Variants in CSMD1 observed in about 807,000 individuals in gnomAD.
The protein encoded by CSMD1 is CUB and sushi domain-containing protein 1.
In CSMD1, 213 loss-of-function variants were observed where a neutral mutation model predicts 417.5. The ratio of observed to expected loss-of-function variants is 0.51; its 90% confidence interval spans 0.46 to 0.57. The LOEUF (loss-of-function observed/expected upper bound fraction) is 0.57, where lower values mean the gene tolerates loss of function less well. CSMD1 is among the 20% of genes least tolerant of loss of function. The pLI, the probability that CSMD1 is intolerant of heterozygous loss-of-function variation, is 0.00. For synonymous variants in CSMD1, 2,862 were observed against 1,736.8 expected (o/e 1.65, Z -16.11); for missense variants, 6,923 against 4,529.7 (o/e 1.53, Z -15.17).
intron 40 of CSMD1, among the ~76,000 whole-genome samples, chr8:3,145,545 A>G (rs1326393329): frequency 6.6e-6 from 1 of 152,190 alleles, no homozygotes; most frequent in East Asian, 1.9e-4. Flanking sequence ...TGACAATTAT[A>G]ATATTGTGAG....
At position 4,737,690 on chromosome 8, in the gene CSMD1, C is replaced by A. The variant is rs530817474; in HGVS notation, c.86-100132G>T. Among the ~76,000 whole-genome samples, 3 of 152,242 alleles carry A rather than the reference C, an allele frequency of 2.0e-5. No homozygotes were observed. The South Asian group carries it at 6.2e-4, about 32-fold the overall frequency. ...GGTTGGATGAATGCAAGGAATAAAT[C>A]ATTTAATTCGGCTGCTGAAGTACCT... On this transcript the variant is annotated intron_variant, in intron 1 of 69. Transcript: ENST00000635120.
chr8:4,113,212 A>G (rs1301861725), intron 3 of CSMD1, among the ~76,000 whole-genome samples: 1 of 152,046 alleles, frequency 6.6e-6, no homozygotes, highest in Admixed American at 6.5e-5. Flanking sequence ...ACAGTTAAAA[A>G]TCCTACAGTG....
At chr8:3,169,051 A>C (rs1585540284) in intron 37 of CSMD1, among the ~76,000 whole-genome samples, 1 of 152,290 alleles carries the variant, frequency 6.6e-6, no homozygotes, top group African/African-American at 2.4e-5. Flanking sequence ...TCACAGGACT[A>C]TTTTGGTCTA....
chr8:3,711,691 A>G (rs1801517742), intron 6 of CSMD1, among the ~76,000 whole-genome samples: 1 of 152,172 alleles, frequency 6.6e-6, no homozygotes, highest in African/African-American at 2.4e-5. Context: ...GCACACTCAG[A>G]AGTCCTCTGC....
chr8:2,996,463 C>T (rs886185422), intron 54 of CSMD1, among the ~76,000 whole-genome samples: 1 of 152,200 alleles, frequency 6.6e-6, no homozygotes, highest in Non-Finnish European at 1.5e-5. Context: ...CACGCACACA[C>T]GATTGTGAGG....
intron 11 of CSMD1, among the ~76,000 whole-genome samples, chr8:3,480,469 A>C (rs1817680127): frequency 6.6e-6 from 1 of 152,242 alleles, no homozygotes; most frequent in Admixed American, 6.5e-5. Flanking sequence ...ACTATTTTTT[A>C]TCATTAGAAT....
At chr8:3,273,898 T>A (rs1363691130) in intron 26 of CSMD1, among the ~76,000 whole-genome samples, 1 of 152,184 alleles carries the variant, frequency 6.6e-6, no homozygotes, top group Non-Finnish European at 1.5e-5. Flanking sequence ...TCGTTAATTT[T>A]TTGAAGGGTT....
intron 3 of CSMD1, among the ~76,000 whole-genome samples, chr8:4,343,629 A>C (rs188276997): frequency 2.5e-3 from 382 of 152,292 alleles, no homozygotes; most frequent in African/African-American, 8.9e-3. Flanking sequence ...GACTATGTGC[A>C]CTAGAGCATG....
rs112205974 is a variant in CSMD1, at chr8:4,312,070, G to A, written c.415+107883C>T. On this transcript the variant is annotated intron_variant, in intron 3 of 69. Coordinates refer to ENST00000635120, the MANE Select transcript of CSMD1 (RefSeq NM_033225.6). ...TCATTTCTAGCTAGTAAAGAAATAC[G>A]TAGAATGTGTGTCAATTTCCAGGAG... is the stretch of plus-strand genomic sequence containing the variant. 9.6e-3 allele frequency among the ~76,000 whole-genome samples: 1,454 copies of A among 152,156 alleles called. 20 individuals carry two copies. The highest frequency in any genetic ancestry group is 0.033 in the African/African-American group (1,388 of 41,482).
At position 2,942,523 on chromosome 8, in the gene CSMD1, G is replaced by A; in HGVS notation, c.10484C>T (p.Pro3495Leu). ...SGSVAAAILV[P>L]FFALILSGFA... ...CCCTGATAAAATTAGAGCAAAGAAA[G>A]GAACCAGAATGGCAGCCGCCACAGA... The change falls in exon 69 of 70, where the codon CCT (proline) becomes CTT (leucine). Residue 3495 changes from proline (P) to leucine (L), a missense_variant. Coordinates refer to ENST00000635120, the MANE Select transcript of CSMD1 (RefSeq NM_033225.6). 6.2e-7 allele frequency: 1 copy of A among 1,612,198 alleles called. No homozygotes were observed. Among genetic ancestry groups the A allele is most frequent in the Non-Finnish European group, 8.5e-7 (1 of 1,179,184 alleles).
intron 3 of CSMD1, among the ~76,000 whole-genome samples, chr8:4,091,067 C>T (rs944733745): frequency 4.6e-5 from 7 of 151,882 alleles, no homozygotes; most frequent in South Asian, 4.2e-4. Context: ...TACAGGCACC[C>T]ACCACAATGC....
At chr8:3,362,751 T>C (rs937299348) in intron 20 of CSMD1, among the ~76,000 whole-genome samples, 3 of 152,162 alleles carry the variant, frequency 2.0e-5, no homozygotes, top group Non-Finnish European at 4.4e-5. Context: ...TCCTCATTCA[T>C]GCAGGTGCAA....
At chr8:3,676,175 T>G (rs1175013474) in intron 7 of CSMD1, among the ~76,000 whole-genome samples, 1 of 152,254 alleles carries the variant, frequency 6.6e-6, no homozygotes, top group Non-Finnish European at 1.5e-5. Flanking sequence ...TGCTCAATTT[T>G]ATAGTCTTCT....
At chr8:4,084,575 T>C (rs898551499) in intron 3 of CSMD1, among the ~76,000 whole-genome samples, 5 of 152,176 alleles carry the variant, frequency 3.3e-5, no homozygotes, top group African/African-American at 1.2e-4. Context: ...ACTCGATTCC[T>C]TAATCAACCT....
At chr8:3,613,941 A>T (rs1802015050) in intron 8 of CSMD1, among the ~76,000 whole-genome samples, 1 of 152,076 alleles carries the variant, frequency 6.6e-6, no homozygotes, top group African/African-American at 2.4e-5. Context: ...AAAAGAAATA[A>T]AAAAAATCCG....
In CSMD1 at chr8:3,575,080, G is replaced by A. The variant is rs372084022; in HGVS notation, c.1223-14C>T. The A allele has an allele frequency of 4.4e-6, 7 of 1,605,152 alleles. No homozygotes were observed. The highest frequency in any genetic ancestry group is 1.1e-5 in the South Asian group (1 of 90,644). ...CACATGTTCTCGCTGGAAACACATA[G>A]AAACGACGTTATTTTCTACAACATT... On this transcript the variant is annotated splice_polypyrimidine_tract_variant and intron_variant, in intron 9 of 69. Transcript: ENST00000635120.
intron 1 of CSMD1, among the ~76,000 whole-genome samples, chr8:4,730,262 T>C (rs1809757170): frequency 6.6e-6 from 1 of 152,160 alleles, no homozygotes; most frequent in South Asian, 2.1e-4. Flanking sequence ...CTTTTTTATG[T>C]TCAGGGAACT....
chr8:4,062,664 C>G (rs977414343), intron 3 of CSMD1, among the ~76,000 whole-genome samples: 1 of 151,636 alleles, frequency 6.6e-6, no homozygotes, highest in Non-Finnish European at 1.5e-5. Context: ...TGCAGAAACA[C>G]AGATTCCTTG....
At chr8:4,716,867 A>G (rs1808690865) in intron 1 of CSMD1, among the ~76,000 whole-genome samples, 2 of 152,208 alleles carry the variant, frequency 1.3e-5, no homozygotes, top group Non-Finnish European at 2.9e-5. Flanking sequence ...GTGTGTATAT[A>G]GATTGAAATT....
Sources: gnomAD v4.1 joint callset for allele counts (sites outside exome capture counted in the v4.1 genomes callset) on GRCh38, gnomAD v4.1.1 for gene constraint, MANE v1.5 for transcripts, NCBI Gene and HGNC (gene_info 2026-07-23, HGNC 2026-07-21) for gene names.